Variants in PTPRG observed in about 807,000 individuals in gnomAD.
PTPRG encodes protein tyrosine phosphatase receptor type G, also known as receptor-type tyrosine-protein phosphatase gamma.
In PTPRG, 102 loss-of-function variants were observed where a neutral mutation model predicts 165.3. The observed-to-expected ratio is 0.62, with a 90% CI of 0.53 to 0.73. The LOEUF is 0.73. PTPRG is among the 30% of genes least tolerant of loss of function. PTPRG has a pLI of 0.00. For synonymous variants in PTPRG, 675 were observed against 669.5 expected, an observed-to-expected ratio of 1.01 and a Z score of -0.13; for missense variants, 1,866 against 1,861.4, an observed-to-expected ratio of 1.00 and a Z score of -0.05.
intron 2 of PTPRG, among the ~76,000 whole-genome samples, chr3:61,968,632 A>G (rs902324018): frequency 6.6e-6 from 1 of 152,154 alleles, no homozygotes. Flanking sequence ...GATCTATTTG[A>G]TATAGATTTC....
intron 1 of PTPRG, chr3:61,743,096 C>A (rs1420586283): frequency 6.5e-7 from 1 of 1,546,626 alleles, no homozygotes; most frequent in East Asian, 2.3e-5. Flanking sequence ...TTGCGAGAGA[C>A]TGCTGCTCAT....
At chr3:61,940,130 A>G (rs1045791911) in intron 2 of PTPRG, among the ~76,000 whole-genome samples, 1 of 151,394 alleles carries the variant, frequency 6.6e-6, no homozygotes, top group Admixed American at 6.6e-5. Context: ...TATTTTTAGT[A>G]GAGACAGGGT....
intron 5 of PTPRG, among the ~76,000 whole-genome samples, chr3:62,091,843 G>T (rs773094976): frequency 1.3e-5 from 2 of 152,002 alleles, no homozygotes; most frequent in African/African-American, 4.8e-5. Flanking sequence ...ATATGGGGCA[G>T]TCTTGACTCT....
intron 1 of PTPRG, among the ~76,000 whole-genome samples, chr3:61,618,055 CTTAGTAT>C (rs1259782324): frequency 6.6e-6 from 1 of 152,060 alleles, no homozygotes; most frequent in African/African-American, 2.4e-5. Context: ...CTTGGAGAAT[CTTAGTAT>C]TTAGTGTGGT....
intron 2 of PTPRG, among the ~76,000 whole-genome samples, chr3:61,757,837 A>G (rs909171079): frequency 6.6e-6 from 1 of 152,082 alleles, no homozygotes; most frequent in African/African-American, 2.4e-5. Context: ...CTTTGAAACT[A>G]CCTTCTTTGG....
At chr3:62,253,186 C>T (rs1701460529) in intron 15 of PTPRG, among the ~76,000 whole-genome samples, 1 of 152,168 alleles carries the variant, frequency 6.6e-6, no homozygotes, top group Non-Finnish European at 1.5e-5. Context: ...TTTTACCTTA[C>T]AGAGTAAAAC....
intron 6 of PTPRG, among the ~76,000 whole-genome samples, chr3:62,143,280 T>C (rs1703996259): frequency 6.6e-6 from 1 of 152,182 alleles, no homozygotes; most frequent in Non-Finnish European, 1.5e-5. Context: ...AAAATATCTT[T>C]TGTGGACTTT....
intron 1 of PTPRG, among the ~76,000 whole-genome samples, chr3:61,732,195 A>T (rs1478500067): frequency 6.6e-6 from 1 of 152,218 alleles, no homozygotes; most frequent in East Asian, 1.9e-4. Flanking sequence ...AACCCAGTAT[A>T]TCTAAAATGT....
At chr3:62,056,756 A>G (rs1000708059) in intron 4 of PTPRG, among the ~76,000 whole-genome samples, 2 of 152,272 alleles carry the variant, frequency 1.3e-5, no homozygotes, top group Admixed American at 6.5e-5. Context: ...CTGGTTTAGA[A>G]AGAGAGGAAT....
At position 61,760,200 on chromosome 3, in the gene PTPRG, A is replaced by T. The variant is rs1219480665; in HGVS notation, c.190+11218A>T. 2.6e-5 allele frequency among the ~76,000 whole-genome samples: 4 copies of T among 152,314 alleles called. No homozygotes were observed. The East Asian group carries it at 7.7e-4, about 29-fold the overall frequency. The stretch of plus-strand genomic sequence containing the variant: ...GCCATATAATCAAACTATATCTGTG[A>T]TTTGAAAAATGACAAAGGGTATAAT... On this transcript the variant is annotated intron_variant, in intron 2 of 29. Transcript: ENST00000474889.
At chr3:61,985,124 T>C (rs542808725) in intron 2 of PTPRG, among the ~76,000 whole-genome samples, 29 of 152,358 alleles carry the variant, frequency 1.9e-4, no homozygotes, top group African/African-American at 6.7e-4. Flanking sequence ...TAGCCAAAGA[T>C]GGGATTAAGT....
At chr3:61,777,799 C>A (rs967181807) in intron 2 of PTPRG, among the ~76,000 whole-genome samples, 4 of 152,124 alleles carry the variant, frequency 2.6e-5, no homozygotes, top group Non-Finnish European at 2.9e-5. Flanking sequence ...TGAAACATGG[C>A]AGAGGGTAAT....
chr3:62,075,477 G>A (rs984418839), intron 4 of PTPRG, among the ~76,000 whole-genome samples: 4 of 152,108 alleles, frequency 2.6e-5, no homozygotes, highest in African/African-American at 7.2e-5. Context: ...AAACCGTAAG[G>A]CAACACATTT....
intron 2 of PTPRG, among the ~76,000 whole-genome samples, chr3:61,892,090 G>T (rs1296447053): frequency 6.6e-6 from 1 of 152,204 alleles, no homozygotes; most frequent in Non-Finnish European, 1.5e-5. Flanking sequence ...TAATGGCTCT[G>T]TGAAGTAGTT....
intron 1 of PTPRG, among the ~76,000 whole-genome samples, chr3:61,590,970 T>C (rs959495753): frequency 2.0e-5 from 3 of 152,070 alleles, no homozygotes; most frequent in Non-Finnish European, 4.4e-5. Context: ...ATTAGCCAGG[T>C]ATGATGGTGC....
chr3:62,209,938 C>T (rs1466985639), intron 12 of PTPRG, among the ~76,000 whole-genome samples: 1 of 152,164 alleles, frequency 6.6e-6, no homozygotes, highest in African/African-American at 2.4e-5. Context: ...AACTTCTGTC[C>T]GTGACTGATT....
rs1410793271 is a variant in PTPRG at position 62,228,527 on chromosome 3, AAAGAAAG to A, written c.2289-2695_2289-2689del. 1.3e-5 allele frequency among the ~76,000 whole-genome samples: 2 copies of A among 151,650 alleles called. No homozygotes were observed. The highest frequency in any genetic ancestry group is 1.3e-4 in the Admixed American group (2 of 15,246). ...AAACTCCATCTCAAAAAAAAAAAAGAAAGAAAGAAAAAAGAAAAAGAAAAAGGACAAG... is the reference window on the plus strand; with the variant it reads ...AAACTCCATCTCAAAAAAAAAAAAGAAAAAAAGAAAAAGAAAAAGGACAAG... On this transcript the variant is annotated intron_variant, in intron 13 of 29. Coordinates refer to ENST00000474889, the MANE Select transcript of PTPRG (RefSeq NM_002841.4). This position sits in a 1 kb window ranked among gnomAD's most constrained non-coding sequence, Gnocchi z 4.1.
chr3:62,122,589 C>T (rs947350255), intron 5 of PTPRG, among the ~76,000 whole-genome samples: 1 of 152,170 alleles, frequency 6.6e-6, no homozygotes, highest in African/African-American at 2.4e-5. Context: ...TTCAGTGGCA[C>T]CTTTCACTTA....
At chr3:62,292,630 T>A (rs1702939770) in intron 29 of PTPRG, 74 bp downstream of exon 29, 3 of 1,536,064 alleles carry the variant, frequency 2.0e-6, no homozygotes, top group Non-Finnish European at 2.6e-6. Flanking sequence ...GAGCAGTAGT[T>A]CTCAATTGGG....
Sources: gnomAD v4.1 joint callset for allele counts (sites outside exome capture counted in the v4.1 genomes callset) on GRCh38, gnomAD v4.1.1 for gene constraint, Gnocchi (gnomAD v3.1) non-coding constraint, MANE v1.5 for transcripts, NCBI Gene and HGNC (gene_info 2026-07-23, HGNC 2026-07-21) for gene names.